The following CACNA1E variants were observed in gnomAD, a reference collection of about 807,000 sequenced individuals.
The protein encoded by CACNA1E is calcium voltage-gated channel subunit alpha1 E.
In CACNA1E, 40 loss-of-function variants were observed where a neutral mutation model predicts 259.2. The observed-to-expected ratio is 0.15, with a 90% CI of 0.12 to 0.20. The LOEUF (loss-of-function observed/expected upper bound fraction) is 0.20. CACNA1E is among the 10% of genes least tolerant of loss of function. CACNA1E has a pLI of 1.00. For missense variants in CACNA1E, 1,874 were observed against 3,040.1 expected (o/e 0.62, Z 9.02); for synonymous variants, 1,104 against 1,138.5 (o/e 0.97, Z 0.61).
chr1:181,337,797 T>C (rs955614043), intron 1 of CACNA1E, among the ~76,000 whole-genome samples: 5 of 152,254 alleles, frequency 3.3e-5, no homozygotes, highest in African/African-American at 9.6e-5. Context: ...TCTTAACTAT[T>C]GTGCATAATG....
intron 1 of CACNA1E, among the ~76,000 whole-genome samples, chr1:181,360,159 TAAACATAGGGTTCACCCTAAA>T (rs1653762153): frequency 6.6e-6 from 1 of 152,184 alleles, no homozygotes; most frequent in East Asian, 1.9e-4. Context: ...AGAAAAGAGT[TAAACATAGGGTTCACCCTAAA>T]AAACATAGGG....
intron 7 of CACNA1E, among the ~76,000 whole-genome samples, chr1:181,692,171 C>CA (rs1407231344): frequency 2.0e-5 from 3 of 152,058 alleles, no homozygotes; most frequent in Non-Finnish European, 4.4e-5. Context: ...ATAGATGACA[C>CA]AAAAAACTGG....
intron 7 of CACNA1E, among the ~76,000 whole-genome samples, chr1:181,662,203 G>A (rs537606882): frequency 2.6e-4 from 40 of 152,320 alleles, no homozygotes; most frequent in African/African-American, 9.4e-4. Context: ...TAGTGTATCA[G>A]TTGTGAAAAT....
intron 2 of CACNA1E, among the ~76,000 whole-genome samples, chr1:181,427,946 T>A (rs1557997088): frequency 6.6e-6 from 1 of 152,228 alleles, no homozygotes; most frequent in Non-Finnish European, 1.5e-5. Flanking sequence ...TAACATCTCT[T>A]TCACGCTGCA....
intron 18 of CACNA1E, among the ~76,000 whole-genome samples, chr1:181,730,721 T>C (rs566950070): frequency 6.6e-6 from 1 of 152,258 alleles, no homozygotes; most frequent in African/African-American, 2.4e-5. Context: ...CTGGGTCAGG[T>C]TCTGCTATGG....
At position 181,483,643 on chromosome 1, in the gene CACNA1E, T is replaced by A; in HGVS notation, c.-102T>A. ...AGAGGCGGTGGTCCCCGTGCTTGTCTGGATGCGGCTCTGAGTCTCCGTGTG... is the reference window on the plus strand; with the variant it reads ...AGAGGCGGTGGTCCCCGTGCTTGTCAGGATGCGGCTCTGAGTCTCCGTGTG... On this transcript the variant is annotated 5_prime_UTR_variant, in exon 1 of 48. Coordinates refer to ENST00000367573, the MANE Select transcript of CACNA1E (RefSeq NM_001205293.3). 1 of 759,082 alleles carries A rather than the reference T, an allele frequency of 1.3e-6. No individual in the cohort carries two copies. The highest frequency in any genetic ancestry group is 2.0e-6 in the Non-Finnish European group (1 of 499,728). The allele number at this position is 759,082 out of a possible 1,614,324, so 47.0% of individuals were successfully genotyped here.
At position 181,752,297 on chromosome 1, in the gene CACNA1E, C is replaced by T. The variant is rs993795689; in HGVS notation, c.3828+58C>T. ...CCCTTCTCCCATCTTCTCTCTTTAG[C>T]CATGGCTGGCCTGCCTTTGGAGAAT... On this transcript the variant is annotated intron_variant, in intron 27 of 47. Transcript: ENST00000367573. The T allele has an allele frequency of 8.1e-6, 10 of 1,228,180 alleles. No homozygotes were observed. The African/African-American group carries it at 1.5e-4, about 18-fold the overall frequency. The allele number at this position is 1,228,180 out of a possible 1,614,324, so 76.1% of individuals were successfully genotyped here. A position where few individuals can be genotyped will look rare whatever the true frequency, so the allele number is the denominator to read the frequency against.
At chr1:181,766,377 GC>G (rs2102738875) in intron 34 of CACNA1E, among the ~76,000 whole-genome samples, 168 bp from the exon 35 acceptor site, 1 of 152,272 alleles carries the variant, frequency 6.6e-6, no homozygotes, top group South Asian at 2.1e-4. Context: ...GGACAAGGAT[GC>G]CTGAGAAAGT....
chr1:181,569,292 T>C (rs1650165245), intron 3 of CACNA1E, among the ~76,000 whole-genome samples: 1 of 152,206 alleles, frequency 6.6e-6, no homozygotes, highest in African/African-American at 2.4e-5. Context: ...GGCTCTGGGA[T>C]GGAGCTAAGC....
upstream of CACNA1E, among the ~76,000 whole-genome samples, chr1:181,482,719 AC>A (rs1663387171): frequency 6.6e-6 from 1 of 152,222 alleles, no homozygotes; most frequent in Non-Finnish European, 1.5e-5. Context: ...GAAGAGGGAG[AC>A]TGAGCCGTTA....
At chr1:181,705,904 C>A (rs750043875) in intron 7 of CACNA1E, among the ~76,000 whole-genome samples, 1 of 152,068 alleles carries the variant, frequency 6.6e-6, no homozygotes, top group Non-Finnish European at 1.5e-5. Context: ...TACCTAGATC[C>A]CCAGCTCTGA....
chr1:181,610,216 C>A (rs1159622552), intron 6 of CACNA1E, among the ~76,000 whole-genome samples: 1 of 152,166 alleles, frequency 6.6e-6, no homozygotes, highest in Admixed American at 6.5e-5. Flanking sequence ...GGGCATACTT[C>A]CTGAAGGCAA....
chr1:181,425,304 C>G (rs1322986192), intron 2 of CACNA1E, among the ~76,000 whole-genome samples: 2 of 152,096 alleles, frequency 1.3e-5, no homozygotes, highest in African/African-American at 4.8e-5. Context: ...CAGTCCAGGG[C>G]CTTCCCCCTC....
intron 2 of CACNA1E, among the ~76,000 whole-genome samples, chr1:181,468,601 G>A (rs145234112): frequency 6.4e-4 from 97 of 152,336 alleles, no homozygotes; most frequent in African/African-American, 2.1e-3. Context: ...GCCCCTTGTA[G>A]TATAGTGGGG....
chr1:181,472,347 T>A (rs1662562893), intron 2 of CACNA1E, among the ~76,000 whole-genome samples: 1 of 152,178 alleles, frequency 6.6e-6, no homozygotes, highest in African/African-American at 2.4e-5. Flanking sequence ...TGTATTGTAT[T>A]AGAGACTTGT....
intron 3 of CACNA1E, among the ~76,000 whole-genome samples, chr1:181,557,132 C>T (rs1266984039): frequency 6.6e-6 from 1 of 152,100 alleles, no homozygotes; most frequent in Non-Finnish European, 1.5e-5. Flanking sequence ...ATCAACATTC[C>T]CACCACCTTC....
intron 1 of CACNA1E, among the ~76,000 whole-genome samples, chr1:181,353,167 A>G (rs1417090176): frequency 6.6e-6 from 1 of 151,960 alleles, no homozygotes; most frequent in Non-Finnish European, 1.5e-5. Flanking sequence ...TTCTCCACTA[A>G]CCCTGATGGG....
At chr1:181,506,280 C>G (rs1430598681) in intron 1 of CACNA1E, among the ~76,000 whole-genome samples, 1 of 152,180 alleles carries the variant, frequency 6.6e-6, no homozygotes, top group Non-Finnish European at 1.5e-5. Context: ...TATTTGCCGT[C>G]TAGGCTCTTC....
Position 181,721,743 on chromosome 1 carries a change from A to G in CACNA1E, c.1957-15A>G, listed in dbSNP as rs1654435151. The G allele has an allele frequency of 1.9e-6, 3 of 1,561,032 alleles. No homozygotes were observed. The highest frequency in any genetic ancestry group is 2.7e-5 in the African/African-American group (2 of 73,742). ...AGCCCAGGTTTCTGATGCGCCTGTC[A>G]TTTGCTTTTTGTAGATCCTGACGGG... On this transcript the variant is annotated splice_polypyrimidine_tract_variant and intron_variant, in intron 15 of 47. Transcript: ENST00000367573.
Sources: allele counts gnomAD v4.1 joint callset (sites outside exome capture counted in the v4.1 genomes callset), GRCh38; gene constraint gnomAD v4.1.1; transcripts MANE v1.5; gene names NCBI Gene and HGNC (gene_info 2026-07-23, HGNC 2026-07-21).